Variants in GOLGA2 observed in about 807,000 individuals in gnomAD.
GOLGA2 encodes golgin A2, also known as golgin subfamily A member 2.
Under a neutral mutation model 148.8 loss-of-function variants are expected in GOLGA2, and 49 were observed. The observed-to-expected ratio is 0.33, with a 90% CI of 0.26 to 0.42. GOLGA2 has a LOEUF of 0.42. Among genes scored for constraint, GOLGA2 ranks in the 10% least tolerant of loss-of-function variants. The pLI is 1.00. For missense variants in GOLGA2, 1,178 were observed against 1,304.6 expected (o/e 0.90, Z 1.49); for synonymous variants, 501 against 511.8 (o/e 0.98, Z 0.28).
intron 12 of GOLGA2, among the ~76,000 whole-genome samples, chr9:128,264,472 G>A (rs183994561): frequency 1.7e-4 from 26 of 151,938 alleles, no homozygotes; most frequent in Non-Finnish European, 3.1e-4. Context: ...CTGTCACCCA[G>A]GCTGGAGGGC....
At position 128,257,888 on chromosome 9, in the gene GOLGA2, C is replaced by T. The variant is rs1230775503; in HGVS notation, c.2513G>A (p.Arg838His). 2 of 1,613,866 alleles carry T rather than the reference C, an allele frequency of 1.2e-6. No individual in the cohort carries two copies. Among genetic ancestry groups the T allele is most frequent in the Non-Finnish European group, 1.7e-6 (2 of 1,179,760 alleles). ...CTTCTCCTGCATGAGCTCCATAAAG[C>T]GGCTCTGGAACCAAAATAATGGAGT... ...LQGAMEKLQS[R>H]FMELMQEKAD... is the part of the protein sequence containing the mutation. Residue 838 changes from arginine to histidine, a missense_variant, in exon 24 of 27, where the codon CGC becomes CAC. Transcript: ENST00000611957. This position sits in a 1 kb window ranked among gnomAD's most constrained non-coding sequence, Gnocchi z 8.0.
intron 1 of GOLGA2, chr9:128,275,356 C>A (rs770271748): frequency 5.6e-6 from 7 of 1,247,846 alleles, no homozygotes; most frequent in African/African-American, 1.6e-5. Flanking sequence ...GACGTCACTA[C>A]ATTCCACTCC....
chr9:128,258,527 C>A lies in GOLGA2; in HGVS notation c.2217G>T (p.Glu739Asp). 1 of 1,593,462 alleles carries A rather than the reference C, an allele frequency of 6.3e-7. No homozygotes were observed. The highest frequency in any genetic ancestry group is 2.3e-5 in the East Asian group (1 of 44,010). The change falls in exon 22 of 27, where the codon GAG (glutamate) becomes GAT (aspartate). Residue 739 changes from glutamate (E) to aspartate (D), a missense_variant. By Grantham distance (45) the Glu-to-Asp change is conservative. This residue lies in a region of GOLGA2 where 529 missense variants were observed against 521.8 expected (regional missense o/e 1.01). Transcript: ENST00000611957. This position sits in a 1 kb window ranked among gnomAD's most constrained non-coding sequence, Gnocchi z 6.6. ...DREEEEDEEE[E>D]EEEAVAVPQP... ...GAGGTACTGCCACCGCCTCCTCCTC[C>A]TCCTCCTCCTCATCCTCCTCCTCCT...
chr9:128,267,532 A>G lies in GOLGA2; in HGVS notation c.502-15T>C, dbSNP rs1461968135. On this transcript the variant is annotated splice_polypyrimidine_tract_variant and intron_variant, in intron 6 of 26. Transcript: ENST00000611957. The stretch of plus-strand genomic sequence containing the variant: ...CATGTCGCAGACTATAAGAGACGAG[A>G]GTGCACATGGAGATGTTCTGTCCCC... 6.2e-7 allele frequency: 1 copy of G among 1,600,436 alleles called. No homozygotes were observed. Among genetic ancestry groups the G allele is most frequent in the Admixed American group, 1.7e-5 (1 of 59,996 alleles).
In GOLGA2 at chr9:128,268,841, G is replaced by A. The variant is rs569526606; in HGVS notation, c.289-317C>T. On this transcript the variant is annotated intron_variant, in intron 3 of 26. Coordinates refer to ENST00000611957, the MANE Select transcript of GOLGA2 (RefSeq NM_001366244.2). ...GCCACAGCAGGCAGGAGGAAGGTGT[G>A]CCAAAGTCAGGGAGGAGAAAGGCAC... Among the ~76,000 whole-genome samples the A allele has an allele frequency of 1.1e-4, 16 of 152,328 alleles. No individual in the cohort carries two copies. In the South Asian group the frequency reaches 3.3e-3, roughly 32 times the overall value.
chr9:128,258,209 G>T lies in GOLGA2; in HGVS notation c.2290-11C>A, dbSNP rs1235551147. On this transcript the variant is annotated splice_polypyrimidine_tract_variant and intron_variant, in intron 22 of 26. Coordinates refer to ENST00000611957, the MANE Select transcript of GOLGA2 (RefSeq NM_001366244.2). The surrounding 1 kb of genome is among the most constrained non-coding windows in gnomAD (Gnocchi z 6.6). ...GTTGAAAAATGCCACCTGCAGGCAA[G>T]AGGGGTGCATTCTTGTAGGAGGATA... is the stretch of plus-strand genomic sequence containing the variant. 1 of 1,570,178 alleles carries T rather than the reference G, an allele frequency of 6.4e-7. No homozygotes were observed. Among genetic ancestry groups the T allele is most frequent in the Non-Finnish European group, 8.6e-7 (1 of 1,157,408 alleles).
chr9:128,270,557 A>G (rs78323940), intron 3 of GOLGA2, among the ~76,000 whole-genome samples: 247 of 152,236 alleles, frequency 1.6e-3, no homozygotes, highest in African/African-American at 5.8e-3. Context: ...ACTCTCCTCA[A>G]AATGTCCCAT....
chr9:128,262,460 T>C, intron 14 of GOLGA2, 103 bp downstream of exon 14: 1 of 1,167,300 alleles, frequency 8.6e-7, no homozygotes, highest in East Asian at 2.4e-5. Flanking sequence ...AGGACCCAAA[T>C]TTTCCAGCTC....
chr9:128,270,793 C>T (rs1388512461), intron 3 of GOLGA2, among the ~76,000 whole-genome samples: 6 of 152,174 alleles, frequency 3.9e-5, no homozygotes, highest in African/African-American at 1.4e-4. Context: ...CACATGTAAT[C>T]TCAGCACTTT....
intron 1 of GOLGA2, 124 bp from the exon 2 acceptor site, chr9:128,274,096 A>C (rs748254971): frequency 4.5e-6 from 4 of 882,246 alleles, no homozygotes; most frequent in Non-Finnish European, 7.1e-6. Flanking sequence ...CAACTCCACA[A>C]GTTCTTGTCA....
Position 128,275,972 on chromosome 9 carries a change from C to G in GOLGA2, c.5G>C (p.Trp2Ser). Reference protein sequence around the residue: MWPQPRLPPRPA... With the variant: MSPQPRLPPRPA... ...GCGGGGAGGGAGGCGGGGTTGGGGC[C>G]ACATCAGCGCGATCCCGGCAACCAC... The change falls in exon 1 of 27, where the codon TGG becomes TCG. Residue 2 changes from tryptophan to serine, a missense_variant. Physicochemically the swap from Trp to Ser is radical, Grantham distance 177 (BLOSUM62 -3). Transcript: ENST00000611957. 1 of 1,596,940 alleles carries G rather than the reference C, an allele frequency of 6.3e-7. No individual in the cohort carries two copies. The highest frequency in any genetic ancestry group is 1.3e-5 in the African/African-American group (1 of 74,120).
In GOLGA2 at chr9:128,258,897, A is replaced by G. The variant is rs1401817965; in HGVS notation, c.2173+110T>C. 3.7e-6 allele frequency: 3 copies of G among 811,338 alleles called. No individual in the cohort carries two copies. The highest frequency in any genetic ancestry group is 6.2e-6 in the Non-Finnish European group (3 of 481,192). 50.3% of individuals were successfully genotyped at this position (811,338 alleles called of 1,614,324 possible). A position where few individuals can be genotyped will look rare whatever the true frequency, so the allele number is the denominator to read the frequency against. On this transcript the variant is annotated intron_variant, in intron 21 of 26. Transcript: ENST00000611957. The surrounding 1 kb of genome is among the most constrained non-coding windows in gnomAD (Gnocchi z 6.6). ...AACTTAGTGTGGACACCCAGTTGGCATAATGACCAGCTGTTCTAAAGGTCT... is the reference window on the plus strand; with the variant it reads ...AACTTAGTGTGGACACCCAGTTGGCGTAATGACCAGCTGTTCTAAAGGTCT...
intron 12 of GOLGA2, among the ~76,000 whole-genome samples, chr9:128,264,501 C>T (rs1334997789): frequency 6.6e-6 from 1 of 152,058 alleles, no homozygotes; most frequent in African/African-American, 2.4e-5. Flanking sequence ...GATCTCAGCT[C>T]ACCGCAACTT....
rs139831210 is a variant in GOLGA2, at chr9:128,259,245, G to C, written c.2019C>G (p.Leu673=). 9 of 1,601,530 alleles carry C rather than the reference G, an allele frequency of 5.6e-6. No individual in the cohort carries two copies. Among genetic ancestry groups the C allele is most frequent in the Non-Finnish European group, 7.7e-6 (9 of 1,174,184 alleles). The part of the protein sequence containing the change: ...LHNQLLLQTQ[L]VDQLQQQEAQ... ...CTTCCTGCTGCTGCAGCTGGTCCAC[G>C]AGCTGGGTCTGCAGCAGTAGCTGAT... The change falls in exon 20 of 27, where the codon CTC becomes CTG. Residue 673 remains leucine (L), a synonymous_variant. Coordinates refer to ENST00000611957, the MANE Select transcript of GOLGA2 (RefSeq NM_001366244.2).
chr9:128,265,864 T>G lies in GOLGA2; in HGVS notation c.750A>C (p.Ile250=), dbSNP rs1431196992. The part of the protein sequence containing the change: ...REQLQVHIQT[I]GILVSEKAEL... ...CAGCTTTCTCTGATACGAGGATCCC[T>G]ATGGTCTGAATGTGAACCTTTGGGA... The change falls in exon 11 of 27, where the codon ATA becomes ATC. Residue 250 remains isoleucine (I), a synonymous_variant. Coordinates refer to ENST00000611957, the MANE Select transcript of GOLGA2 (RefSeq NM_001366244.2). 4 of 1,612,858 alleles carry G rather than the reference T, an allele frequency of 2.5e-6. No homozygotes were observed. The highest frequency in any genetic ancestry group is 3.4e-6 in the Non-Finnish European group (4 of 1,178,804).
chr9:128,268,646 G>A, intron 3 of GOLGA2, 122 bp from the exon 4 acceptor site: 1 of 642,656 alleles, frequency 1.6e-6, no homozygotes, highest in Non-Finnish European at 2.9e-6. Flanking sequence ...AGTCACACAT[G>A]CTAGGAGCCA....
Position 128,267,463 on chromosome 9 carries a change from G to C in GOLGA2, c.556C>G (p.Leu186Val), listed in dbSNP as rs1387252770. 6.2e-7 allele frequency: 1 copy of C among 1,612,738 alleles called. No homozygotes were observed. The highest frequency in any genetic ancestry group is 1.7e-5 in the Admixed American group (1 of 60,024). Residue 186 changes from leucine to valine, a missense_variant, in exon 7 of 27, where the codon CTG (leucine) becomes GTG (valine). Around this residue, in one of 5 missense-constraint regions of GOLGA2, gnomAD observed 304 missense variants for 404.1 expected, o/e 0.75. Transcript: ENST00000611957. The part of the protein sequence containing the change: ...GPASSANLKD[L>V]ESRYQQLAVA... Reference sequence around the variant, plus strand: ...CACGGCCCAGGGCCTCTTACCTCCAGATCCTTCAGGTTAGCAGACGATGCA... The same window carrying C: ...CACGGCCCAGGGCCTCTTACCTCCACATCCTTCAGGTTAGCAGACGATGCA...
chr9:128,263,678 A>C (rs567494119), intron 12 of GOLGA2, among the ~76,000 whole-genome samples: 1 of 151,844 alleles, frequency 6.6e-6, no homozygotes, highest in South Asian at 2.1e-4. Flanking sequence ...TCAGCCTCCC[A>C]AAGTGCTGGG....
At chr9:128,267,145 G>T in intron 8 of GOLGA2, 49 bp downstream of exon 8, 1 of 1,223,182 alleles carries the variant, frequency 8.2e-7, no homozygotes, top group South Asian at 1.2e-5. Flanking sequence ...GGGGAAACTG[G>T]AGCCCAGGAT....
Sources: allele counts gnomAD v4.1 joint callset (sites outside exome capture counted in the v4.1 genomes callset), GRCh38; gene constraint gnomAD v4.1.1; regional missense constraint gnomAD v4.1.1; non-coding constraint Gnocchi (gnomAD v3.1); transcripts MANE v1.5; gene names NCBI Gene and HGNC (gene_info 2026-07-23, HGNC 2026-07-21).